The following DOCK9 variants were observed in gnomAD, a reference collection of about 807,000 sequenced individuals.
DOCK9 encodes dedicator of cytokinesis protein 9.
Under a neutral mutation model 263.3 loss-of-function variants are expected in DOCK9, and 89 were observed. The ratio of observed to expected loss-of-function variants is 0.34; its 90% CI spans 0.28 to 0.40. DOCK9 has a LOEUF of 0.40. Among genes scored for constraint, DOCK9 ranks in the 10% least tolerant of loss-of-function variants. The pLI, the probability that DOCK9 is intolerant of heterozygous loss-of-function variation, is 1.00. For synonymous variants in DOCK9, 976 were observed against 973.1 expected (o/e 1.00, Z -0.06); for missense variants, 2,140 against 2,603.4 (o/e 0.82, Z 3.87).
In DOCK9 at chr13:98,925,900, G is replaced by C. The variant is rs1185641991; in HGVS notation, c.353C>G (p.Ser118Cys). 1.3e-6 allele frequency: 2 copies of C among 1,586,328 alleles called. No individual in the cohort carries two copies. Among genetic ancestry groups the C allele is most frequent in the East Asian group, 4.5e-5 (2 of 44,248 alleles). Residue 118 changes from serine to cysteine, a missense_variant, in exon 4 of 53, where the codon TCT (serine) becomes TGT (cysteine). This residue lies in a region of DOCK9 where 1,521 missense variants were observed against 1,741.7 expected (regional missense o/e 0.87). Transcript: ENST00000682017. ...TTTATAGTTCACAAGATGCCAGTCA[G>C]AGTTATAGGTTTTGATGCACTATTG... Reference protein sequence around the residue: ...FVTECIKTYNSDWHLVNYKYE... With the variant: ...FVTECIKTYNCDWHLVNYKYE...
intron 1 of DOCK9, among the ~76,000 whole-genome samples, chr13:98,999,284 G>A (rs1334598616): frequency 2.7e-5 from 2 of 73,592 alleles, no homozygotes; most frequent in Admixed American, 1.2e-4. Context: ...GTGCACGCAT[G>A]CACGCGCACA....
upstream of DOCK9, among the ~76,000 whole-genome samples, chr13:98,979,233 A>AGCGGCG (rs1343349373): frequency 1.6e-4 from 19 of 122,368 alleles, no homozygotes; most frequent in African/African-American, 5.4e-4. Context: ...TAGTAGTAGC[A>AGCGGCG]GCAGCGGCGG....
rs1263851202 is a variant in DOCK9, at chr13:98,855,432, C to T, written c.3831+466G>A. Among the ~76,000 whole-genome samples, 10 of 152,062 alleles carry T rather than the reference C, an allele frequency of 6.6e-5. No homozygotes were observed. In the East Asian group the frequency reaches 1.3e-3, roughly 21 times the overall value. On this transcript the variant is annotated intron_variant, in intron 34 of 52. Coordinates refer to ENST00000682017, the MANE Select transcript of DOCK9 (RefSeq NM_001366683.2). ...ACTAAAAATACAAAAATTAGCCGGG[C>T]GTGGTGGCTTGTGCCTGTGGTCCCA...
intron 15 of DOCK9, among the ~76,000 whole-genome samples, chr13:98,890,903 T>C (rs1298850207): frequency 1.3e-5 from 2 of 152,212 alleles, no homozygotes; most frequent in Non-Finnish European, 2.9e-5. Context: ...ACTTGTCTTC[T>C]GTTTACATCT....
In DOCK9 at chr13:98,902,457, T is replaced by C; in HGVS notation, c.1211A>G (p.Asp404Gly). ...AGAAATCTTCCGGTTGTATTTTATG[T>C]CAAACAGGGATAGAGTAACAAAGAA... is the stretch of plus-strand genomic sequence containing the variant. ...EPFFVTLSLF[D>G]IKYNRKISAD... Residue 404 changes from aspartate to glycine, a missense_variant, in exon 12 of 53, where the codon GAC (aspartate) becomes GGC (glycine). Asp to Gly is a moderately conservative substitution (Grantham distance 94). Coordinates refer to ENST00000682017, the MANE Select transcript of DOCK9 (RefSeq NM_001366683.2). 1 of 1,613,952 alleles carries C rather than the reference T, an allele frequency of 6.2e-7. No individual in the cohort carries two copies. Among genetic ancestry groups the C allele is most frequent in the Non-Finnish European group, 8.5e-7 (1 of 1,179,878 alleles).
At chr13:98,963,125 G>A (rs1413998456) in intron 1 of DOCK9, among the ~76,000 whole-genome samples, 2 of 152,098 alleles carry the variant, frequency 1.3e-5, no homozygotes, top group African/African-American at 4.8e-5. Context: ...ACTGAGCATG[G>A]CAGCGGGCAG....
intron 15 of DOCK9, among the ~76,000 whole-genome samples, chr13:98,897,154 T>C (rs2047565755): frequency 6.6e-6 from 1 of 152,176 alleles, no homozygotes; most frequent in Non-Finnish European, 1.5e-5. Context: ...ATTTGTCCCC[T>C]TCTTCCTGTT....
intron 2 of DOCK9, among the ~76,000 whole-genome samples, chr13:98,931,958 G>A (rs548948541): frequency 3.8e-4 from 57 of 151,240 alleles, no homozygotes; most frequent in Non-Finnish European, 6.9e-4. Context: ...AAACTCCTGG[G>A]CTCAAACAAT....
chr13:99,000,928 G>C (rs1041792713), intron 1 of DOCK9, among the ~76,000 whole-genome samples: 4 of 152,212 alleles, frequency 2.6e-5, no homozygotes, highest in African/African-American at 9.7e-5. Flanking sequence ...GGAGCACCTA[G>C]GGTGGGAGGG....
chr13:98,979,236 A>AGCAGCG (rs1876400977), upstream of DOCK9, among the ~76,000 whole-genome samples: 2 of 144,058 alleles, frequency 1.4e-5, no homozygotes, highest in African/African-American at 5.2e-5. Context: ...TAGTAGCAGC[A>AGCAGCG]GCGGCGGCAG....
chr13:98,844,892 T>C (rs2093342880), intron 38 of DOCK9, among the ~76,000 whole-genome samples: 1 of 152,174 alleles, frequency 6.6e-6, no homozygotes, highest in Non-Finnish European at 1.5e-5. Context: ...TTATTAGACA[T>C]GATGGAAGGA....
At chr13:98,949,840 C>A (rs1239446161) in intron 2 of DOCK9, 3 of 481,462 alleles carry the variant, frequency 6.2e-6, no homozygotes, top group Non-Finnish European at 1.2e-5. Context: ...GGGTGCAAGA[C>A]CCATGAGATC....
chr13:98,809,651 C>T (rs2091110997), intron 46 of DOCK9, among the ~76,000 whole-genome samples, 186 bp from the exon 47 acceptor site: 1 of 152,190 alleles, frequency 6.6e-6, no homozygotes, highest in African/African-American at 2.4e-5. Flanking sequence ...AAAGGCCAGC[C>T]CACACGTGAG....
chr13:98,966,928 T>C (rs2059260696), intron 1 of DOCK9, among the ~76,000 whole-genome samples: 2 of 152,188 alleles, frequency 1.3e-5, no homozygotes, highest in African/African-American at 2.4e-5. Flanking sequence ...CTGAAACATG[T>C]TAGAAATACA....
chr13:98,912,333 G>A (rs956193410), intron 9 of DOCK9, among the ~76,000 whole-genome samples: 1 of 152,164 alleles, frequency 6.6e-6, no homozygotes, highest in Non-Finnish European at 1.5e-5. Flanking sequence ...TAGCCTGAGG[G>A]CTGCTTATAT....
At chr13:98,945,525 T>C (rs768922673) in intron 2 of DOCK9, among the ~76,000 whole-genome samples, 1 of 152,132 alleles carries the variant, frequency 6.6e-6, no homozygotes, top group Non-Finnish European at 1.5e-5. Context: ...AGGGTCCACC[T>C]CCAAAGACTC....
chr13:98,931,307 T>C (rs2053889045), intron 2 of DOCK9, among the ~76,000 whole-genome samples: 1 of 151,438 alleles, frequency 6.6e-6, no homozygotes, highest in South Asian at 2.1e-4. Context: ...TTTTATTTTA[T>C]TTTATTTTTT....
At chr13:98,923,441 C>T in intron 4 of DOCK9, 70 bp from the exon 5 acceptor site, 4 of 1,268,368 alleles carry the variant, frequency 3.2e-6, no homozygotes, top group Non-Finnish European at 4.6e-6. Context: ...ATTTCTTCCT[C>T]CATCATAGGG....
At chr13:98,800,214 G>T in intron 50 of DOCK9, 74 bp downstream of exon 50, 1 of 1,457,372 alleles carries the variant, frequency 6.9e-7, no homozygotes. Context: ...GACCTTGTTA[G>T]TGGAAACGAC....
Sources: gnomAD v4.1 joint callset for allele counts (sites outside exome capture counted in the v4.1 genomes callset) on GRCh38, gnomAD v4.1.1 for gene constraint, gnomAD v4.1.1 regional missense constraint, MANE v1.5 for transcripts, NCBI Gene and HGNC (gene_info 2026-07-23, HGNC 2026-07-21) for gene names.